Variants in TBC1D10A observed in about 807,000 individuals in gnomAD.
TBC1D10A encodes the protein TBC1 domain family member 10A, also known as EBP50-PDX interactor of 64 kDa.
In TBC1D10A, 24 loss-of-function variants were observed where a neutral mutation model predicts 52.9. That is an observed-to-expected ratio of 0.45 (90% CI 0.33 to 0.64). The LOEUF is 0.64. Among genes scored for constraint, TBC1D10A ranks in the 30% least tolerant of loss-of-function variants. The probability of loss-of-function intolerance (pLI) is 0.02; values close to 1 mark genes in which losing one functional copy is unlikely to be tolerated. For synonymous variants in TBC1D10A, 278 were observed against 282.9 expected (o/e 0.98, Z 0.17); for missense variants, 602 against 687.9 (o/e 0.88, Z 1.40).
At chr22:30,294,653 T>G in intron 6 of TBC1D10A, 143 bp downstream of exon 6, 1 of 980,284 alleles carries the variant, frequency 1.0e-6, no homozygotes, top group Non-Finnish European at 1.5e-6. Context: ...GACCTAACCC[T>G]GGCAGGCCTT....
At chr22:30,302,111 C>G (rs1308917926) in intron 2 of TBC1D10A, among the ~76,000 whole-genome samples, 9 of 152,202 alleles carry the variant, frequency 5.9e-5, no homozygotes, top group African/African-American at 2.2e-4. Flanking sequence ...GCTGGGAGTA[C>G]AGCCAGCCTT....
In TBC1D10A at chr22:30,294,870, AAG is replaced by A. The variant is rs1197094330; in HGVS notation, c.640-11_640-10del. 6.2e-7 allele frequency: 1 copy of A among 1,614,128 alleles called. No individual in the cohort carries two copies. Among genetic ancestry groups the A allele is most frequent in the South Asian group, 1.1e-5 (1 of 91,080 alleles). On this transcript the variant is annotated splice_polypyrimidine_tract_variant and intron_variant, in intron 5 of 8. Coordinates refer to ENST00000215790, the MANE Select transcript of TBC1D10A (RefSeq NM_031937.3). ...AGGCACCAGAAGGCTTGCTGTGGGC[AAG>A]AGAGATGTGAGGCCTTGCCGTTGGG... is the stretch of plus-strand genomic sequence containing the variant.
chr22:30,295,948 A>C, intron 3 of TBC1D10A, 105 bp from the exon 4 acceptor site: 2 of 984,590 alleles, frequency 2.0e-6, no homozygotes, highest in South Asian at 3.2e-5. Flanking sequence ...CACCAGGGGC[A>C]GTGCCCACCC....
At chr22:30,326,070 G>A (rs1233928087) in intron 1 of TBC1D10A, among the ~76,000 whole-genome samples, 1 of 151,886 alleles carries the variant, frequency 6.6e-6, no homozygotes, top group Non-Finnish European at 1.5e-5. Context: ...CCAGGATGGA[G>A]CTGAGGGGAG....
At position 30,308,042 on chromosome 22, in the gene TBC1D10A, C is replaced by T. The variant is rs188735570; in HGVS notation, c.210-3412G>A. Among the ~76,000 whole-genome samples the T allele has an allele frequency of 8.2e-3, 1,254 of 152,308 alleles. 25 individuals carry two copies. The highest frequency in any genetic ancestry group is 0.029 in the African/African-American group (1,193 of 41,558). ...AACTCCTGACCTCAGGCGATCCACC[C>T]GCCTCGGCCTCCTGAAGTGTTGGGA... On this transcript the variant is annotated intron_variant, in intron 1 of 8. Transcript: ENST00000215790.
chr22:30,326,038 TGAG>T (rs1314071815), intron 1 of TBC1D10A, among the ~76,000 whole-genome samples: 2 of 151,148 alleles, frequency 1.3e-5, no homozygotes, highest in African/African-American at 2.4e-5. Flanking sequence ...GACCCTTCCA[TGAG>T]GAGAAGGGAC....
Position 30,326,775 on chromosome 22 carries a change from T to C in TBC1D10A, c.107A>G (p.Asp36Gly), listed in dbSNP as rs1490843677. 1.3e-6 allele frequency: 2 copies of C among 1,508,844 alleles called. No individual in the cohort carries two copies. The highest frequency in any genetic ancestry group is 2.9e-5 in the African/African-American group (2 of 68,934). 93.5% of individuals were successfully genotyped at this position (1,508,844 alleles called of 1,614,324 possible). The change falls in exon 1 of 9, where the codon GAC (aspartate) becomes GGC (glycine). Residue 36 changes from aspartate (D) to glycine (G), a missense_variant. Asp to Gly is a moderately conservative substitution (Grantham distance 94). Around this residue, in one of 3 missense-constraint regions of TBC1D10A, gnomAD observed 201 missense variants for 204.4 expected, o/e 0.98. Coordinates refer to ENST00000215790, the MANE Select transcript of TBC1D10A (RefSeq NM_031937.3). ...GTCAGACCCGAGAGAGCTGAGTTCG[T>C]CGGTGGTTGCGGCGTCGGGGCCCTG... ...LAQGPDAATT[D>G]ELSSLGSDSE...
intron 5 of TBC1D10A, 23 bp downstream of exon 5, chr22:30,294,918 G>T: frequency 6.2e-7 from 1 of 1,613,958 alleles, no homozygotes; most frequent in South Asian, 1.1e-5. Flanking sequence ...CCACCCCCCT[G>T]CCTGCCCGGG....
At chr22:30,317,210 C>A (rs549187810) in intron 1 of TBC1D10A, among the ~76,000 whole-genome samples, 1 of 152,154 alleles carries the variant, frequency 6.6e-6, no homozygotes, top group Admixed American at 6.5e-5. Context: ...GAGTTTGAGA[C>A]CAACCTGGCC....
intron 1 of TBC1D10A, chr22:30,307,798 T>C (rs953123374): frequency 1.3e-5 from 2 of 152,018 alleles, no homozygotes; most frequent in Admixed American, 1.3e-4. Flanking sequence ...CTCCCCTTTT[T>C]ATTTTATTTT....
chr22:30,293,199 C>T (rs1256291004), intron 8 of TBC1D10A: 38 of 637,416 alleles, frequency 6.0e-5, no homozygotes, highest in South Asian at 5.0e-4. Context: ...GCTGCTTAGG[C>T]TCAAATTCCA....
chr22:30,304,810 A>G (rs1930278364), intron 1 of TBC1D10A, among the ~76,000 whole-genome samples, 180 bp from the exon 2 acceptor site: 1 of 152,114 alleles, frequency 6.6e-6, no homozygotes, highest in Non-Finnish European at 1.5e-5. Context: ...CCACCTCCCC[A>G]TCCACCGCCT....
intron 2 of TBC1D10A, among the ~76,000 whole-genome samples, chr22:30,301,087 C>T (rs1930192600): frequency 6.6e-6 from 1 of 152,166 alleles, no homozygotes; most frequent in Non-Finnish European, 1.5e-5. Flanking sequence ...GTAAATTTGT[C>T]ATACAATCAG....
rs773431676 is a variant in TBC1D10A at position 30,294,961 on chromosome 22, G to A, written c.619C>T (p.Leu207Phe). 6.2e-7 allele frequency: 1 copy of A among 1,614,064 alleles called. No homozygotes were observed. The highest frequency in any genetic ancestry group is 8.5e-7 in the Non-Finnish European group (1 of 1,180,038). Residue 207 changes from leucine (L) to phenylalanine (F), a missense_variant, in exon 5 of 9, where the codon CTC becomes TTC. Coordinates refer to ENST00000215790, the MANE Select transcript of TBC1D10A (RefSeq NM_031937.3). ...GGTACCTCAGCAGGCATATGCATGA[G>A]CAAGACAGCGGCAATGGGCGCCTGG... ...QAQAPIAAVLLMHMPAEQAFW... is the reference protein window; with the variant it reads ...QAQAPIAAVLFMHMPAEQAFW...
chr22:30,315,801 T>A (rs1054156466), intron 1 of TBC1D10A, among the ~76,000 whole-genome samples: 1 of 152,148 alleles, frequency 6.6e-6, no homozygotes, highest in African/African-American at 2.4e-5. Flanking sequence ...GGGACAGGAA[T>A]TGTGTCATCC....
rs1194446462 is a variant in TBC1D10A at position 30,304,526 on chromosome 22, C to G, written c.309+5G>C. The G allele has an allele frequency of 1.2e-6, 2 of 1,614,160 alleles. No homozygotes were observed. Among genetic ancestry groups the G allele is most frequent in the Non-Finnish European group, 1.7e-6 (2 of 1,180,006 alleles). On this transcript the variant is annotated splice_donor_5th_base_variant and intron_variant, in intron 2 of 8. Coordinates refer to ENST00000215790, the MANE Select transcript of TBC1D10A (RefSeq NM_031937.3). ...CAGCCCAATACCTGAGGCCAGGCCC[C>G]TCACCTTTTTGTGCTTCTTGGCCAT...
At chr22:30,295,395 G>A (rs879469281) in intron 4 of TBC1D10A, among the ~76,000 whole-genome samples, 2 of 152,178 alleles carry the variant, frequency 1.3e-5, no homozygotes, top group Non-Finnish European at 2.9e-5. Context: ...GGCCAGCTTT[G>A]TCCCTGCATC....
At chr22:30,296,006 G>C in intron 3 of TBC1D10A, 163 bp from the exon 4 acceptor site, 1 of 644,320 alleles carries the variant, frequency 1.6e-6, no homozygotes, top group Non-Finnish European at 2.6e-6. Context: ...GAGAAGCTCA[G>C]GTAAGGAATG....
intron 2 of TBC1D10A, among the ~76,000 whole-genome samples, chr22:30,303,776 G>T (rs886675458): frequency 1.3e-5 from 2 of 152,214 alleles, no homozygotes; most frequent in African/African-American, 4.8e-5. Context: ...AGGCCAGGTG[G>T]TAACACCATG....
Sources: gnomAD v4.1 joint callset for allele counts (sites outside exome capture counted in the v4.1 genomes callset) on GRCh38, gnomAD v4.1.1 for gene constraint, gnomAD v4.1.1 regional missense constraint, MANE v1.5 for transcripts, NCBI Gene and HGNC (gene_info 2026-07-23, HGNC 2026-07-21) for gene names.